The following HEMK2 variants were observed in gnomAD, a reference collection of about 807,000 sequenced individuals.
HEMK2 encodes the protein methyltransferase HEMK2.
At chr21:28,580,034 T>G in the HEMK2 span, among the ~76,000 whole-genome samples, 1 of 152,196 alleles carries the variant, frequency 6.6e-6, no homozygotes, top group Non-Finnish European at 1.5e-5. Context: ...CTCTAAGAGA[T>G]CATTAAGAAA....
At chr21:28,688,013 C>CACT in the HEMK2 span, among the ~76,000 whole-genome samples, 2 of 152,146 alleles carry the variant, frequency 1.3e-5, no homozygotes, top group African/African-American at 4.8e-5. Flanking sequence ...TGATATGAAT[C>CACT]ACTGGTTAAA....
At chr21:28,762,232 GCCCAAGTTA>G in the HEMK2 span, among the ~76,000 whole-genome samples, 170 of 152,130 alleles carry the variant, frequency 1.1e-3, no homozygotes, top group Non-Finnish European at 1.9e-3. Flanking sequence ...ACCATTATTG[GCCCAAGTTA>G]CCCACATCAC....
chr21:28,866,215 C>A, the HEMK2 span, among the ~76,000 whole-genome samples: 1 of 146,598 alleles, frequency 6.8e-6, no homozygotes. Flanking sequence ...GTGGCCCGTA[C>A]CTGTAATCCC....
At chr21:28,875,728 A>T in the HEMK2 span, 1 of 152,250 alleles carries the variant, frequency 6.6e-6, no homozygotes, top group African/African-American at 2.4e-5. Context: ...GAGCAGCAAG[A>T]TGCAAGTACT....
the HEMK2 span, among the ~76,000 whole-genome samples, chr21:28,822,741 G>C: frequency 6.6e-6 from 1 of 152,116 alleles, no homozygotes; most frequent in South Asian, 2.1e-4. Flanking sequence ...GCTGTAATTA[G>C]CATCAACAAA....
At chr21:28,857,511 C>G in the HEMK2 span, among the ~76,000 whole-genome samples, 3 of 152,020 alleles carry the variant, frequency 2.0e-5, no homozygotes, top group Non-Finnish European at 2.9e-5. Flanking sequence ...AATAATTTGT[C>G]TCTCATGATA....
chr21:28,630,533 T>G, the HEMK2 span, among the ~76,000 whole-genome samples: 8 of 152,150 alleles, frequency 5.3e-5, no homozygotes, highest in African/African-American at 1.7e-4. Flanking sequence ...CCAACCCAAA[T>G]GTCCAACAAC....
the HEMK2 span, among the ~76,000 whole-genome samples, chr21:28,585,803 C>T: frequency 6.6e-6 from 1 of 151,888 alleles, no homozygotes; most frequent in East Asian, 1.9e-4. Flanking sequence ...AAAAAGATAA[C>T]GGCTAAAAAT....
chr21:28,782,141 T>C, the HEMK2 span, among the ~76,000 whole-genome samples: 4 of 152,368 alleles, frequency 2.6e-5, no homozygotes, highest in African/African-American at 9.6e-5. Context: ...CAAAACTGAA[T>C]AGTCTTAATC....
the HEMK2 span, among the ~76,000 whole-genome samples, chr21:28,880,335 A>G: frequency 2.1e-4 from 32 of 152,216 alleles, no homozygotes; most frequent in Non-Finnish European, 3.7e-4. Context: ...ATCTGTACAG[A>G]TACCTACCAT....
chr21:28,861,365 C>G, the HEMK2 span, among the ~76,000 whole-genome samples: 1 of 152,124 alleles, frequency 6.6e-6, no homozygotes, highest in African/African-American at 2.4e-5. Context: ...TCATGGTGCT[C>G]CTAGAAGTGA....
chr21:28,697,496 C>A, the HEMK2 span, among the ~76,000 whole-genome samples: 1 of 152,174 alleles, frequency 6.6e-6, no homozygotes, highest in Non-Finnish European at 1.5e-5. Flanking sequence ...TCCAAACTTT[C>A]CCACATCTGC....
the HEMK2 span, among the ~76,000 whole-genome samples, chr21:28,835,971 C>T: frequency 6.6e-6 from 1 of 152,090 alleles, no homozygotes; most frequent in Non-Finnish European, 1.5e-5. Context: ...TGAACAAAGC[C>T]TCCAAGAAGT....
chr21:28,810,599 T>C, the HEMK2 span, among the ~76,000 whole-genome samples: 3 of 152,186 alleles, frequency 2.0e-5, no homozygotes, highest in African/African-American at 7.2e-5. Context: ...TGAGGTAAAC[T>C]GGGAATGTAA....
the HEMK2 span, among the ~76,000 whole-genome samples, chr21:28,744,391 A>G: frequency 0.23 from 34,804 of 152,136 alleles, 4,623 homozygotes; most frequent in African/African-American, 0.35. Flanking sequence ...AAAATAGAAA[A>G]GCATGGATTT....
chr21:28,835,776 A>G, the HEMK2 span, among the ~76,000 whole-genome samples: 7 of 152,198 alleles, frequency 4.6e-5, no homozygotes, highest in African/African-American at 1.7e-4. Context: ...TCAAGGAAAT[A>G]GACGGCTTAA....
the HEMK2 span, among the ~76,000 whole-genome samples, chr21:28,730,418 A>ACACACACACACACAGTTTAT: frequency 7.0e-6 from 1 of 142,298 alleles, no homozygotes; most frequent in South Asian, 2.2e-4. Context: ...ACACACACAC[A>ACACACACACACACAGTTTAT]TTTCTCACAA....
the HEMK2 span, among the ~76,000 whole-genome samples, chr21:28,884,660 A>C: frequency 1.3e-5 from 2 of 152,204 alleles, no homozygotes; most frequent in South Asian, 4.1e-4. Context: ...CCTCAATAGC[A>C]CTAGCCACAT....
At chr21:28,742,984 T>C in the HEMK2 span, among the ~76,000 whole-genome samples, 4 of 152,180 alleles carry the variant, frequency 2.6e-5, no homozygotes, top group African/African-American at 9.7e-5. Flanking sequence ...TGATAGTAAA[T>C]ATTAAAATTA....
Sources: allele counts gnomAD v4.1 joint callset (sites outside exome capture counted in the v4.1 genomes callset), GRCh38; gene constraint gnomAD v4.1.1; transcripts MANE v1.5; gene names NCBI Gene and HGNC (gene_info 2026-07-23, HGNC 2026-07-21).